Variants in RPS6KC1 observed in about 807,000 individuals in gnomAD.
RPS6KC1 encodes the protein inactive ribosomal protein S6 kinase delta-1.
RPS6KC1 carries 54 observed loss-of-function variants against 103.8 expected under a neutral mutation model. That is an observed-to-expected ratio of 0.52 (90% confidence interval 0.42 to 0.65). RPS6KC1 has a LOEUF of 0.65. Among genes scored for constraint, RPS6KC1 ranks in the 30% least tolerant of loss-of-function variants. The probability of loss-of-function intolerance (pLI) is 0.00; values close to 1 mark genes in which losing one functional copy is unlikely to be tolerated. For synonymous variants in RPS6KC1, 439 were observed against 438.7 expected, an observed-to-expected ratio of 1.00 and a Z score of -0.01; for missense variants, 1,151 against 1,253.8, an observed-to-expected ratio of 0.92 and a Z score of 1.24.
the RPS6KC1 span, among the ~76,000 whole-genome samples, chr1:213,859,895 G>A: frequency 3.4e-3 from 521 of 151,872 alleles, 2 homozygotes; most frequent in African/African-American, 0.012. Flanking sequence ...CATTGAATCT[G>A]TTCAAATACT....
chr1:213,225,676 A>G (rs1200654891), intron 8 of RPS6KC1, among the ~76,000 whole-genome samples: 2 of 152,186 alleles, frequency 1.3e-5, no homozygotes, highest in Admixed American at 6.5e-5. Context: ...GGTGTGAGCC[A>G]CTGCGCCCAG....
At chr1:213,713,724 A>AT in the RPS6KC1 span, among the ~76,000 whole-genome samples, 1 of 152,096 alleles carries the variant, frequency 6.6e-6, no homozygotes, top group Admixed American at 6.6e-5. Flanking sequence ...TTATGTGAGA[A>AT]TTTTTTTCTT....
At chr1:213,267,529 G>A (rs998628479) in intron 14 of RPS6KC1, among the ~76,000 whole-genome samples, 2 of 151,868 alleles carry the variant, frequency 1.3e-5, no homozygotes, top group African/African-American at 4.8e-5. Flanking sequence ...AACAAAAAAA[G>A]TATGTCCCAT....
At chr1:213,853,344 G>A in the RPS6KC1 span, among the ~76,000 whole-genome samples, 1 of 152,174 alleles carries the variant, frequency 6.6e-6, no homozygotes, top group Non-Finnish European at 1.5e-5. Context: ...TCTGGACCAT[G>A]AGCGCCTGAG....
the RPS6KC1 span, among the ~76,000 whole-genome samples, chr1:213,285,454 T>C: frequency 5.9e-3 from 893 of 152,264 alleles, 5 homozygotes; most frequent in African/African-American, 0.021. Flanking sequence ...TGTAGACAAC[T>C]GAAATGAGAA....
At chr1:213,539,275 G>A in the RPS6KC1 span, among the ~76,000 whole-genome samples, 2,335 of 152,252 alleles carry the variant, frequency 0.015, 66 homozygotes, top group African/African-American at 0.054. Flanking sequence ...CATTGACACT[G>A]TAAGCAGTGG....
At chr1:213,161,011 G>A (rs1558449416) in intron 6 of RPS6KC1, among the ~76,000 whole-genome samples, 1 of 152,084 alleles carries the variant, frequency 6.6e-6, no homozygotes, top group Non-Finnish European at 1.5e-5. Flanking sequence ...AAAAATAGTG[G>A]TGGCAAGTAA....
chr1:213,099,527 C>A (rs1250600479), intron 3 of RPS6KC1, among the ~76,000 whole-genome samples: 1 of 152,116 alleles, frequency 6.6e-6, no homozygotes, highest in Non-Finnish European at 1.5e-5. Context: ...GATAAGTTTA[C>A]ACACAGTTAA....
chr1:213,612,903 A>C, the RPS6KC1 span, among the ~76,000 whole-genome samples: 1 of 152,216 alleles, frequency 6.6e-6, no homozygotes, highest in Non-Finnish European at 1.5e-5. Flanking sequence ...TAAAAAGAAA[A>C]TGTATTTTCT....
chr1:213,280,626 G>A, the RPS6KC1 span, among the ~76,000 whole-genome samples: 1 of 152,164 alleles, frequency 6.6e-6, no homozygotes, highest in Non-Finnish European at 1.5e-5. Context: ...TTTAAAAATG[G>A]ACTTCATAGT....
At chr1:213,520,293 A>G in the RPS6KC1 span, among the ~76,000 whole-genome samples, 1 of 152,248 alleles carries the variant, frequency 6.6e-6, no homozygotes. Flanking sequence ...ACATGGCAGC[A>G]GGCAAAAAGA....
At chr1:213,480,704 T>C in the RPS6KC1 span, among the ~76,000 whole-genome samples, 3 of 152,096 alleles carry the variant, frequency 2.0e-5, no homozygotes, top group Non-Finnish European at 4.4e-5. Context: ...GCTTTTCTAT[T>C]AAAGTCAGGA....
At chr1:213,302,740 CAT>C in the RPS6KC1 span, among the ~76,000 whole-genome samples, 3 of 152,178 alleles carry the variant, frequency 2.0e-5, no homozygotes, top group Admixed American at 6.5e-5. Context: ...TCCTTACAGA[CAT>C]GTGTCACTCA....
chr1:213,541,280 A>G, the RPS6KC1 span, among the ~76,000 whole-genome samples: 3 of 151,112 alleles, frequency 2.0e-5, no homozygotes, highest in Non-Finnish European at 2.9e-5. Flanking sequence ...CCCCCAAACA[A>G]TTACAATGGT....
the RPS6KC1 span, among the ~76,000 whole-genome samples, chr1:213,548,237 A>G: frequency 2.0e-5 from 3 of 152,254 alleles, no homozygotes; most frequent in Admixed American, 2.0e-4. Context: ...AATTTTAGAA[A>G]GCAAGTTAGA....
chr1:213,138,542 A>C (rs575893442), intron 6 of RPS6KC1, among the ~76,000 whole-genome samples: 3 of 152,040 alleles, frequency 2.0e-5, no homozygotes, highest in Admixed American at 1.3e-4. Context: ...CTCAGTGTCT[A>C]TTGTTCCCTT....
At chr1:213,239,676 G>T (rs2094306863) in intron 10 of RPS6KC1, among the ~76,000 whole-genome samples, 1 of 152,080 alleles carries the variant, frequency 6.6e-6, no homozygotes, top group African/African-American at 2.4e-5. Flanking sequence ...TATGAATAGA[G>T]GGATTTATTT....
the RPS6KC1 span, among the ~76,000 whole-genome samples, chr1:213,646,147 G>C: frequency 6.6e-6 from 1 of 152,202 alleles, no homozygotes; most frequent in Non-Finnish European, 1.5e-5. Context: ...ACATTAAGAA[G>C]GGGCAGTTCC....
chr1:213,399,068 C>A, the RPS6KC1 span, among the ~76,000 whole-genome samples: 1 of 152,162 alleles, frequency 6.6e-6, no homozygotes, highest in Non-Finnish European at 1.5e-5. Context: ...GTTAACAGGA[C>A]TGTTTAGCTA....
Sources: allele counts gnomAD v4.1 joint callset (sites outside exome capture counted in the v4.1 genomes callset), GRCh38; gene constraint gnomAD v4.1.1; transcripts MANE v1.5; gene names NCBI Gene and HGNC (gene_info 2026-07-23, HGNC 2026-07-21).